The following CANX variants were observed in gnomAD, a reference collection of about 807,000 sequenced individuals.
The protein encoded by CANX is calnexin, also known as epididymis secretory sperm binding protein.
A neutral mutation model predicts 75.7 loss-of-function variants in CANX; 14 were observed. The observed-to-expected ratio is 0.19, with a 90% CI of 0.12 to 0.29. The LOEUF is 0.29. Ranked by LOEUF, CANX falls within the 10% of genes least tolerant of loss-of-function variation. The pLI is 1.00. For synonymous variants in CANX, 227 were observed against 236.9 expected (o/e 0.96, Z 0.38); for missense variants, 567 against 713.2 (o/e 0.79, Z 2.34).
chr5:179,698,782 T>C (rs981906282), upstream of CANX: 19 of 657,962 alleles, frequency 2.9e-5, 1 homozygote, highest in South Asian at 2.4e-4. Flanking sequence ...TCCCGGCCAA[T>C]CTTCACACTC....
chr5:179,689,409 CAG>C (rs1776260006), intron 1 of CANX, among the ~76,000 whole-genome samples: 2 of 40,058 alleles, frequency 5.0e-5, no homozygotes, highest in Admixed American at 6.9e-4. Context: ...TTTTTTGAGA[CAG>C]AGTTTTGCTC....
chr5:179,685,682 G>A (rs1776178916), intron 1 of CANX, among the ~76,000 whole-genome samples: 1 of 149,942 alleles, frequency 6.7e-6, no homozygotes, highest in Non-Finnish European at 1.5e-5. Flanking sequence ...AGCCTCCCAA[G>A]TAGCTGGGAT....
intron 8 of CANX, among the ~76,000 whole-genome samples, chr5:179,718,404 G>C (rs989411162): frequency 2.0e-5 from 3 of 152,132 alleles, no homozygotes; most frequent in Non-Finnish European, 4.4e-5. Context: ...TGTATTTTTA[G>C]TAGAGATGGG....
At chr5:179,689,378 A>AGTTT (rs1776254493) in intron 1 of CANX, among the ~76,000 whole-genome samples, 1 of 98,234 alleles carries the variant, frequency 1.0e-5, no homozygotes, top group Non-Finnish European at 2.2e-5. Flanking sequence ...AAACCCAACA[A>AGTTT]GTTTTTTTTT....
rs1286278355 is a variant in CANX, at chr5:179,698,985, T to C, written c.-121T>C. On this transcript the variant is annotated 5_prime_UTR_variant, in exon 1 of 15. Coordinates refer to ENST00000247461, the MANE Select transcript of CANX (RefSeq NM_001746.4). Reference sequence around the variant, plus strand: ...GCGCGGCAGCGGTGGCCGAGGCCTCTTGGTTCTGCGGCACGTGACGGTCGG... The same window carrying C: ...GCGCGGCAGCGGTGGCCGAGGCCTCCTGGTTCTGCGGCACGTGACGGTCGG... 8 of 1,125,258 alleles carry C rather than the reference T, an allele frequency of 7.1e-6. No individual in the cohort carries two copies. Among genetic ancestry groups the C allele is most frequent in the East Asian group, 9.4e-5 (1 of 10,592 alleles). 69.7% of individuals were successfully genotyped at this position (1,125,258 alleles called of 1,614,324 possible). A position where few individuals can be genotyped will look rare whatever the true frequency, so the allele number is the denominator to read the frequency against.
intron 8 of CANX, among the ~76,000 whole-genome samples, chr5:179,718,192 G>A (rs1373369104): frequency 6.6e-6 from 1 of 151,044 alleles, no homozygotes; most frequent in Admixed American, 6.6e-5. Flanking sequence ...TTGTTTGTTT[G>A]TTGAGACAGA....
intron 11 of CANX, chr5:179,723,428 C>T (rs371756894): frequency 6.9e-5 from 33 of 476,846 alleles, no homozygotes; most frequent in African/African-American, 6.5e-4. Context: ...GAGCCTTTTG[C>T]AGGTGATGTA....
Position 179,724,731 on chromosome 5 carries a change from G to A in CANX, c.1593G>A (p.Lys531=), listed in dbSNP as rs780599862. ...QPDVKEEEEE[K]EEEKDKGDEE... The stretch of plus-strand genomic sequence containing the variant: ...ATGTGAAGGAAGAGGAAGAAGAGAA[G>A]GAAGAGGAAAAGGACAAGGGAGATG... Residue 531 remains lysine (K), a synonymous_variant, in exon 13 of 15, where the codon AAG becomes AAA. Coordinates refer to ENST00000247461, the MANE Select transcript of CANX (RefSeq NM_001746.4). 69 of 1,612,130 alleles carry A rather than the reference G, an allele frequency of 4.3e-5. No individual in the cohort carries two copies. The highest frequency in any genetic ancestry group is 5.9e-5 in the Non-Finnish European group (69 of 1,178,294).
chr5:179,720,135 T>C (rs531328415), intron 9 of CANX, among the ~76,000 whole-genome samples: 1 of 152,336 alleles, frequency 6.6e-6, no homozygotes, highest in South Asian at 2.1e-4. Flanking sequence ...CCAGCATAAG[T>C]TACCTGTTTT....
upstream of CANX, among the ~76,000 whole-genome samples, chr5:179,695,682 G>A (rs927252035): frequency 2.1e-5 from 3 of 141,420 alleles, no homozygotes; most frequent in South Asian, 4.5e-4. Context: ...ACGGAGTCTC[G>A]TTTTGTCGCC....
chr5:179,697,704 C>T (rs1462602532), upstream of CANX, among the ~76,000 whole-genome samples: 1 of 152,034 alleles, frequency 6.6e-6, no homozygotes, highest in Non-Finnish European at 1.5e-5. Flanking sequence ...GTCAGCCTGG[C>T]CAACATGGTG....
Position 179,707,052 on chromosome 5 carries a change from A to G in CANX, c.246-80A>G, listed in dbSNP as rs1777183131. 3.6e-6 allele frequency: 3 copies of G among 835,628 alleles called. No homozygotes were observed. In the East Asian group the frequency reaches 7.3e-5, roughly 20 times the overall value. 51.8% of individuals were successfully genotyped at this position (835,628 alleles called of 1,614,324 possible). A position where few individuals can be genotyped will look rare whatever the true frequency, so the allele number is the denominator to read the frequency against. On this transcript the variant is annotated intron_variant, in intron 3 of 14. Transcript: ENST00000247461. The stretch of plus-strand genomic sequence containing the variant: ...ATAGGCTAAGAGCAGAATAGGTCCT[A>G]CTTTAATGAGTATTTACATAATTTT...
chr5:179,698,281 A>G (rs139372458), upstream of CANX: 31 of 448,218 alleles, frequency 6.9e-5, no homozygotes, highest in African/African-American at 6.2e-4. Flanking sequence ...TTCAGGAAAC[A>G]TAAATTGAAA....
At chr5:179,711,346 C>T (rs1777539378) in intron 7 of CANX, among the ~76,000 whole-genome samples, 1 of 151,784 alleles carries the variant, frequency 6.6e-6, no homozygotes, top group African/African-American at 2.4e-5. Context: ...TGCTTGAGCC[C>T]AGGAAGTCGA....
At chr5:179,698,757 C>T (rs766352607), upstream of CANX, 1 of 634,988 alleles carries the variant, frequency 1.6e-6, no homozygotes, top group East Asian at 6.8e-5. Flanking sequence ...AACCAACAGC[C>T]ACTTCCTGCC....
Position 179,707,180 on chromosome 5 carries a change from C to G in CANX, c.294C>G (p.Ala98=). 1 of 1,580,082 alleles carries G rather than the reference C, an allele frequency of 6.3e-7. No individual in the cohort carries two copies. The highest frequency in any genetic ancestry group is 8.7e-7 in the Non-Finnish European group (1 of 1,149,108). ...AKKDDTDDEI[A]KYDGKWEVEE... is the part of the protein sequence containing the mutation. ...AAGACGATACCGATGATGAAATTGCCAAATATGATGGTGAGAATCCCATTT... is the reference window on the plus strand; with the variant it reads ...AAGACGATACCGATGATGAAATTGCGAAATATGATGGTGAGAATCCCATTT... The change falls in exon 4 of 15, where the codon GCC becomes GCG. Residue 98 remains alanine, a synonymous_variant. Coordinates refer to ENST00000247461, the MANE Select transcript of CANX (RefSeq NM_001746.4).
chr5:179,714,784 T>A (rs1777818534), intron 7 of CANX, among the ~76,000 whole-genome samples: 1 of 152,196 alleles, frequency 6.6e-6, no homozygotes, highest in Admixed American at 6.5e-5. Context: ...CCCAAAGTGC[T>A]GGGATTACAG....
chr5:179,731,497 G>T lies in CANX; in HGVS notation c.*2853G>T, dbSNP rs1191589354. Among the ~76,000 whole-genome samples the T allele has an allele frequency of 6.6e-6, 1 of 151,498 alleles. No homozygotes were observed. The highest frequency in any genetic ancestry group is 2.4e-5 in the African/African-American group (1 of 41,292). On this transcript the variant is annotated 3_prime_UTR_variant, in exon 15 of 15. Coordinates refer to ENST00000247461, the MANE Select transcript of CANX (RefSeq NM_001746.4). ...ATGCTAAAAAAAAAAAAGCAGGACT[G>T]CATTATGGCACTTTTGCCTTGGTGG...
chr5:179,679,715 A>G (rs1273141172), intron 1 of CANX, among the ~76,000 whole-genome samples: 1 of 151,884 alleles, frequency 6.6e-6, no homozygotes, highest in East Asian at 1.9e-4. Flanking sequence ...CTGGAGTGCA[A>G]TTGCGCGATC....
Sources: gnomAD v4.1 joint callset for allele counts (sites outside exome capture counted in the v4.1 genomes callset) on GRCh38, gnomAD v4.1.1 for gene constraint, MANE v1.5 for transcripts, NCBI Gene and HGNC (gene_info 2026-07-23, HGNC 2026-07-21) for gene names.